HECW1: variants seen among roughly 807,000 people sequenced by gnomAD.
HECW1 encodes the protein HECT, C2 and WW domain containing E3 ubiquitin protein ligase 1, also known as E3 ubiquitin-protein ligase HECW1.
Under a neutral mutation model 182.3 loss-of-function variants are expected in HECW1, and 61 were observed. The observed-to-expected ratio is 0.33, with a 90% CI of 0.27 to 0.41. The LOEUF (loss-of-function observed/expected upper bound fraction) is 0.41, where lower values mean the gene tolerates loss of function less well. Ranked by LOEUF, HECW1 falls within the 10% of genes least tolerant of loss-of-function variation. HECW1 has a pLI of 1.00. For synonymous variants in HECW1, 859 were observed against 832.6 expected (o/e 1.03, Z -0.55); for missense variants, 1,739 against 2,108.9 (o/e 0.82, Z 3.44).
rs1168310432 is a variant in HECW1 at position 43,546,222 on chromosome 7, T to TTC, written c.4249-4222_4249-4221insCT. 3.6e-5 allele frequency among the ~76,000 whole-genome samples: 5 copies of TTC among 140,126 alleles called. No homozygotes were observed. The East Asian group carries it at 9.9e-4, about 28-fold the overall frequency. 91.9% of individuals were successfully genotyped at this position (140,126 alleles called of 152,430 possible). ...CTTGAAACCCTTTACCCCCAACCTT[T>TTC]TTTTTTTTTTTTTTTTTTTTGCCAT... On this transcript the variant is annotated intron_variant, in intron 26 of 29. Transcript: ENST00000395891.
At chr7:43,468,136 G>C (rs2077865945) in intron 15 of HECW1, among the ~76,000 whole-genome samples, 1 of 151,580 alleles carries the variant, frequency 6.6e-6, no homozygotes, top group South Asian at 2.1e-4. Context: ...CCGTCACATT[G>C]TCATTTCTTT....
At chr7:43,368,500 T>A (rs1411363795) in intron 6 of HECW1, among the ~76,000 whole-genome samples, 2 of 152,220 alleles carry the variant, frequency 1.3e-5, no homozygotes, top group African/African-American at 4.8e-5. Context: ...GTACATTTGC[T>A]TTTTGGGCAA....
At chr7:43,557,336 G>C (rs1023612021) in intron 29 of HECW1, among the ~76,000 whole-genome samples, 1 of 152,198 alleles carries the variant, frequency 6.6e-6, no homozygotes, top group East Asian at 1.9e-4. Flanking sequence ...AAGGCAACTG[G>C]CTTCCCAGAT....
intron 29 of HECW1, among the ~76,000 whole-genome samples, chr7:43,559,603 T>C (rs562851803): frequency 7.9e-5 from 12 of 152,270 alleles, no homozygotes; most frequent in Admixed American, 7.9e-4. Flanking sequence ...CTCAGGAAGA[T>C]TAATTGACTT....
chr7:43,374,620 A>G lies in HECW1; in HGVS notation c.555+13640A>G, dbSNP rs1043551362. On this transcript the variant is annotated intron_variant, in intron 6 of 29. Coordinates refer to ENST00000395891, the MANE Select transcript of HECW1 (RefSeq NM_015052.5). ...AAACCCCGTCTCTACTAAAAATACA[A>G]AAAATTAGCCGGGCGCAGTGGCGGG... Among the ~76,000 whole-genome samples, 3 of 81,222 alleles carry G rather than the reference A, an allele frequency of 3.7e-5. 1 individual carries two copies. Among genetic ancestry groups the G allele is most frequent in the Admixed American group, 3.2e-4 (3 of 9,334 alleles). 53.3% of individuals were successfully genotyped at this position (81,222 alleles called of 152,430 possible). A position where few individuals can be genotyped will look rare whatever the true frequency, so the allele number is the denominator to read the frequency against.
At chr7:43,259,868 TGAGA>T (rs1474469263) in intron 3 of HECW1, among the ~76,000 whole-genome samples, 1 of 152,204 alleles carries the variant, frequency 6.6e-6, no homozygotes, top group East Asian at 1.9e-4. Flanking sequence ...CCTAGAATAA[TGAGA>T]GAGAGAATGG....
intron 24 of HECW1, among the ~76,000 whole-genome samples, chr7:43,521,768 A>C (rs1179881135): frequency 6.6e-6 from 1 of 152,202 alleles, no homozygotes; most frequent in Non-Finnish European, 1.5e-5. Flanking sequence ...CCAGCTACTC[A>C]GGAAGGCTAA....
At chr7:43,538,308 A>G (rs924155343) in intron 24 of HECW1, among the ~76,000 whole-genome samples, 7 of 152,204 alleles carry the variant, frequency 4.6e-5, no homozygotes, top group East Asian at 3.8e-4. Flanking sequence ...CTGAGGCCCA[A>G]CTGCATTCCT....
intron 5 of HECW1, among the ~76,000 whole-genome samples, chr7:43,343,984 G>T (rs1481323891): frequency 6.6e-6 from 1 of 151,808 alleles, no homozygotes; most frequent in Non-Finnish European, 1.5e-5. Context: ...TTGTGGTTTT[G>T]ATTTGCATTT....
intron 3 of HECW1, among the ~76,000 whole-genome samples, chr7:43,280,494 G>A (rs192808952): frequency 1.6e-4 from 24 of 152,316 alleles, no homozygotes; most frequent in Non-Finnish European, 2.8e-4. Flanking sequence ...CCACTGAGAC[G>A]TAAGACAAGT....
chr7:43,393,148 C>T (rs1389052140), intron 6 of HECW1, among the ~76,000 whole-genome samples: 1 of 152,088 alleles, frequency 6.6e-6, no homozygotes, highest in African/African-American at 2.4e-5. Flanking sequence ...GGGTGCAAGA[C>T]ACACACAGTG....
intron 2 of HECW1, among the ~76,000 whole-genome samples, chr7:43,156,838 C>A (rs1789933274): frequency 6.6e-6 from 1 of 151,864 alleles, no homozygotes; most frequent in Non-Finnish European, 1.5e-5. Flanking sequence ...TATCTTCCCA[C>A]ACCAAAGTGA....
chr7:43,136,854 C>G (rs1787594840), intron 2 of HECW1, among the ~76,000 whole-genome samples: 1 of 152,188 alleles, frequency 6.6e-6, no homozygotes, highest in African/African-American at 2.4e-5. Flanking sequence ...GTGGCCGACT[C>G]TAGCCCAGGA....
At chr7:43,115,722 G>A (rs967828343) in intron 2 of HECW1, among the ~76,000 whole-genome samples, 11 of 152,264 alleles carry the variant, frequency 7.2e-5, no homozygotes, top group African/African-American at 2.6e-4. Context: ...ACAATTTTCC[G>A]TAGTTGTGCA....
chr7:43,558,461 G>C (rs1003883353), intron 29 of HECW1, among the ~76,000 whole-genome samples: 1 of 152,202 alleles, frequency 6.6e-6, no homozygotes, highest in East Asian at 1.9e-4. Context: ...CTGTAGCAGT[G>C]ATTCTCAAAG....
intron 24 of HECW1, among the ~76,000 whole-genome samples, chr7:43,527,246 G>A (rs191149626): frequency 3.5e-4 from 53 of 152,284 alleles, no homozygotes; most frequent in African/African-American, 1.1e-3. Flanking sequence ...GCTATGCTGC[G>A]GGTGGGCACT....
chr7:43,181,936 C>G (rs556632812), intron 2 of HECW1, among the ~76,000 whole-genome samples: 1 of 150,736 alleles, frequency 6.6e-6, no homozygotes, highest in Non-Finnish European at 1.5e-5. Context: ...TACAGGTGCC[C>G]ACCACGCCCG....
At chr7:43,180,435 G>C (rs1037061813) in intron 2 of HECW1, among the ~76,000 whole-genome samples, 2 of 151,682 alleles carry the variant, frequency 1.3e-5, no homozygotes, top group East Asian at 3.9e-4. Flanking sequence ...TTGCTCTGTC[G>C]CCCAGGCTGG....
chr7:43,176,562 T>TG (rs1792270712), intron 2 of HECW1, among the ~76,000 whole-genome samples: 1 of 152,162 alleles, frequency 6.6e-6, no homozygotes, highest in Admixed American at 6.5e-5. Flanking sequence ...CTTCACACAG[T>TG]GGGGGGCTCA....
Sources: gnomAD v4.1 joint callset for allele counts (sites outside exome capture counted in the v4.1 genomes callset) on GRCh38, gnomAD v4.1.1 for gene constraint, MANE v1.5 for transcripts, NCBI Gene and HGNC (gene_info 2026-07-23, HGNC 2026-07-21) for gene names.